KIAA0232: variants seen among roughly 807,000 people sequenced by gnomAD.
The protein encoded by KIAA0232 is KIAA0232.
Under a neutral mutation model 122.0 loss-of-function variants are expected in KIAA0232, and 27 were observed. The ratio of observed to expected loss-of-function variants is 0.22; its 90% confidence interval spans 0.16 to 0.31. KIAA0232 has a LOEUF of 0.31. KIAA0232 is among the 10% of genes least tolerant of loss of function. The pLI is 1.00. For synonymous variants in KIAA0232, 613 were observed against 587.6 expected (o/e 1.04, Z -0.63); for missense variants, 1,551 against 1,634.2 (o/e 0.95, Z 0.88).
intron 3 of KIAA0232, among the ~76,000 whole-genome samples, chr4:6,825,995 G>A (rs1718659587): frequency 2.6e-5 from 4 of 152,198 alleles, no homozygotes; most frequent in Admixed American, 2.6e-4. Context: ...TGTCACCCAG[G>A]CTGGAGTGCA....
At chr4:6,790,915 CTTTTTTTT>C (rs35766310) in intron 1 of KIAA0232, among the ~76,000 whole-genome samples, 15 of 92,940 alleles carry the variant, frequency 1.6e-4, no homozygotes, top group African/African-American at 7.1e-4. Context: ...TTTTTATATA[CTTTTTTTT>C]TTTTTTTTTT....
intron 6 of KIAA0232, 72 bp from the exon 7 acceptor site, chr4:6,860,829 T>C (rs779554956): frequency 8.0e-7 from 1 of 1,244,840 alleles, no homozygotes; most frequent in Non-Finnish European, 1.1e-6. Context: ...ATTCTTCTGG[T>C]TGGTAATGTT....
chr4:6,836,197 A>C (rs1719257085), intron 3 of KIAA0232, among the ~76,000 whole-genome samples: 1 of 152,082 alleles, frequency 6.6e-6, no homozygotes, highest in Non-Finnish European at 1.5e-5. Flanking sequence ...TGTGGTTTTG[A>C]TTTGCATTTC....
intron 9 of KIAA0232, among the ~76,000 whole-genome samples, chr4:6,879,486 G>GT (rs1721938756): frequency 6.6e-6 from 1 of 152,104 alleles, no homozygotes; most frequent in African/African-American, 2.4e-5. Context: ...TTTTGCCCCC[G>GT]TCTGCCTTTG....
In KIAA0232 at chr4:6,861,230, T is replaced by G. The variant is rs1720837730; in HGVS notation, c.848T>G (p.Ile283Ser). The part of the protein sequence containing the change: ...KQIRHKPEGK[I>S]RPRSWSSGSS... Reference sequence around the variant, plus strand: ...ATCCGACATAAACCTGAAGGAAAGATTCGCCCTCGCTCGTGGTCTTCTGGC... The same window carrying G: ...ATCCGACATAAACCTGAAGGAAAGAGTCGCCCTCGCTCGTGGTCTTCTGGC... The change falls in exon 7 of 10, where the codon ATT (isoleucine) becomes AGT (serine). Residue 283 changes from isoleucine (I) to serine (S), a missense_variant. Ile to Ser is a moderately radical substitution (Grantham distance 142, BLOSUM62 -2). Transcript: ENST00000307659. 1.9e-6 allele frequency: 3 copies of G among 1,613,972 alleles called. No individual in the cohort carries two copies. The highest frequency in any genetic ancestry group is 2.7e-5 in the African/African-American group (2 of 74,906).
chr4:6,795,857 C>T (rs537034304), intron 1 of KIAA0232, among the ~76,000 whole-genome samples: 1 of 152,292 alleles, frequency 6.6e-6, no homozygotes, highest in African/African-American at 2.4e-5. Context: ...TCCGCAAGTG[C>T]TGGGGTTACA....
intron 9 of KIAA0232, among the ~76,000 whole-genome samples, chr4:6,879,392 C>T (rs754836499): frequency 9.2e-5 from 14 of 152,198 alleles, no homozygotes; most frequent in Non-Finnish European, 2.9e-5. Flanking sequence ...GCCTCTAGGA[C>T]CCATACTGCT....
chr4:6,786,954 G>A (rs1716649574), intron 1 of KIAA0232, among the ~76,000 whole-genome samples: 1 of 151,918 alleles, frequency 6.6e-6, no homozygotes, highest in African/African-American at 2.4e-5. Flanking sequence ...AGGCCGAGGC[G>A]GGCGGATCAT....
intron 4 of KIAA0232, among the ~76,000 whole-genome samples, chr4:6,850,727 C>T (rs1486970051): frequency 1.3e-5 from 2 of 150,422 alleles, no homozygotes; most frequent in East Asian, 3.9e-4. Context: ...AGTGCAGTGG[C>T]GTTATCTCAG....
chr4:6,802,663 C>T (rs1397402509), intron 1 of KIAA0232, among the ~76,000 whole-genome samples: 1 of 151,866 alleles, frequency 6.6e-6, no homozygotes, highest in East Asian at 1.9e-4. Context: ...CAGAATGCTT[C>T]ATCTTCACGT....
At chr4:6,837,108 C>G (rs1234209748) in intron 3 of KIAA0232, among the ~76,000 whole-genome samples, 1 of 151,996 alleles carries the variant, frequency 6.6e-6, no homozygotes, top group Non-Finnish European at 1.5e-5. Context: ...CCCCACCTCC[C>G]AGACGGGGCA....
rs1720843608 is a variant in KIAA0232, at chr4:6,861,286, A to G, written c.904A>G (p.Asn302Asp). 2 of 1,614,150 alleles carry G rather than the reference A, an allele frequency of 1.2e-6. No individual in the cohort carries two copies. The highest frequency in any genetic ancestry group is 2.2e-5 in the South Asian group (2 of 91,086). The change falls in exon 7 of 10, where the codon AAT becomes GAT. Residue 302 changes from asparagine to aspartate, a missense_variant. Asn to Asp is a conservative substitution (Grantham distance 23). This residue lies in a region of KIAA0232 where 377 missense variants were observed against 381.7 expected (regional missense o/e 0.99). Coordinates refer to ENST00000307659, the MANE Select transcript of KIAA0232 (RefSeq NM_014743.3). ...SSEAGSSSSG[N>D]QGELKASMKY... ...TGAAGCAGGCTCAAGTTCCAGTGGG[A>G]ATCAGGGAGAATTAAAAGCATCCAT...
chr4:6,792,066 T>A (rs1331430863), intron 1 of KIAA0232, among the ~76,000 whole-genome samples: 2 of 152,218 alleles, frequency 1.3e-5, no homozygotes, highest in Non-Finnish European at 2.9e-5. Context: ...CTGCCATGAT[T>A]GTGAGGCCTC....
chr4:6,849,130 T>C (rs1019757035), intron 4 of KIAA0232, among the ~76,000 whole-genome samples: 2 of 152,138 alleles, frequency 1.3e-5, no homozygotes, highest in African/African-American at 4.8e-5. Context: ...CTAAACACGG[T>C]GAGTGAGCTG....
At chr4:6,828,934 AT>A (rs1157866119) in intron 3 of KIAA0232, among the ~76,000 whole-genome samples, 3 of 152,020 alleles carry the variant, frequency 2.0e-5, no homozygotes, top group African/African-American at 7.2e-5. Flanking sequence ...TACAGTCAAT[AT>A]TCAGTTTTTG....
At chr4:6,796,901 T>G (rs1717157626) in intron 1 of KIAA0232, among the ~76,000 whole-genome samples, 1 of 152,324 alleles carries the variant, frequency 6.6e-6, no homozygotes, top group South Asian at 2.1e-4. Flanking sequence ...GGTCACTTGG[T>G]TATGTTAGTC....
intron 3 of KIAA0232, among the ~76,000 whole-genome samples, chr4:6,830,284 G>A (rs1718896014): frequency 6.6e-6 from 1 of 152,052 alleles, no homozygotes; most frequent in Non-Finnish European, 1.5e-5. Context: ...AAATTTTGGA[G>A]CATTTACTGG....
intron 3 of KIAA0232, among the ~76,000 whole-genome samples, chr4:6,835,991 G>A (rs1214082923): frequency 2.0e-5 from 3 of 152,182 alleles, no homozygotes; most frequent in Non-Finnish European, 4.4e-5. Flanking sequence ...CCCAGTAATG[G>A]GAATGCTGGG....
intron 8 of KIAA0232, among the ~76,000 whole-genome samples, chr4:6,874,111 A>G (rs1252909828): frequency 2.0e-5 from 3 of 152,328 alleles, no homozygotes; most frequent in Middle Eastern, 6.8e-3. Flanking sequence ...AGGTAACCAT[A>G]TAAGAAAGCC....
Sources: gnomAD v4.1 joint callset for allele counts (sites outside exome capture counted in the v4.1 genomes callset) on GRCh38, gnomAD v4.1.1 for gene constraint, gnomAD v4.1.1 regional missense constraint, MANE v1.5 for transcripts, NCBI Gene and HGNC (gene_info 2026-07-23, HGNC 2026-07-21) for gene names.